The following CACNA1B variants were observed in gnomAD, a reference collection of about 807,000 sequenced individuals.
CACNA1B encodes the protein calcium voltage-gated channel subunit alpha1 B.
A neutral mutation model predicts 247.2 loss-of-function variants in CACNA1B; 70 were observed. The observed-to-expected ratio is 0.28, with a 90% CI of 0.23 to 0.35. The LOEUF is 0.35. Among genes scored for constraint, CACNA1B ranks in the 10% least tolerant of loss-of-function variants. CACNA1B has a pLI of 1.00. For missense variants in CACNA1B, 2,367 were observed against 3,197.4 expected (o/e 0.74, Z 6.26); for synonymous variants, 1,231 against 1,294.4 (o/e 0.95, Z 1.05).
chr9:137,968,974 G>A (rs1958113977), intron 10 of CACNA1B, among the ~76,000 whole-genome samples: 1 of 152,258 alleles, frequency 6.6e-6, no homozygotes, highest in Non-Finnish European at 1.5e-5. Flanking sequence ...AAGAAGCCCA[G>A]TCTCTCTTGG....
intron 3 of CACNA1B, among the ~76,000 whole-genome samples, chr9:137,911,318 C>T (rs1230841850): frequency 6.6e-6 from 1 of 152,104 alleles, no homozygotes; most frequent in Non-Finnish European, 1.5e-5. Flanking sequence ...AATGTCTTCC[C>T]GTAGCATTGG....
Position 137,914,611 on chromosome 9 carries a change from C to T in CACNA1B, c.623-43C>T, listed in dbSNP as rs372170340. The T allele has an allele frequency of 2.0e-5, 32 of 1,584,764 alleles. No homozygotes were observed. In the African/African-American group the frequency reaches 3.5e-4, roughly 17 times the overall value. On this transcript the variant is annotated intron_variant, in intron 4 of 46. Coordinates refer to ENST00000371372, the MANE Select transcript of CACNA1B (RefSeq NM_000718.4). This position sits in a 1 kb window ranked among gnomAD's most constrained non-coding sequence, Gnocchi z 4.3. ...TGCCCCCACCAAATTCCTTGCCCTA[C>T]CCTGCCCACGTTGCTTCCTGACCTG...
intron 10 of CACNA1B, among the ~76,000 whole-genome samples, chr9:137,969,419 TG>T (rs1267988002): frequency 6.7e-6 from 1 of 149,014 alleles, no homozygotes; most frequent in Non-Finnish European, 1.5e-5. Context: ...TGTGTGTGTG[TG>T]GGGGGCTGTG....
intron 10 of CACNA1B, among the ~76,000 whole-genome samples, chr9:137,960,652 G>C (rs1423601979): frequency 1.3e-5 from 2 of 152,008 alleles, no homozygotes; most frequent in Non-Finnish European, 2.9e-5. Context: ...CAGGTGTGGA[G>C]AACGTCTTGG....
chr9:138,058,507 A>G lies in CACNA1B; in HGVS notation c.4309-62A>G. The G allele has an allele frequency of 1.4e-6, 2 of 1,454,494 alleles. No individual in the cohort carries two copies. The highest frequency in any genetic ancestry group is 1.9e-6 in the Non-Finnish European group (2 of 1,061,994). The allele number at this position is 1,454,494 out of a possible 1,614,324, so 90.1% of individuals were successfully genotyped here. Reference sequence around the variant, plus strand: ...GGCCTGGCGAGACAGGGCTGGGTGCAGTAGATGCCGTCGGGTAGGTTTTCT... The same window carrying G: ...GGCCTGGCGAGACAGGGCTGGGTGCGGTAGATGCCGTCGGGTAGGTTTTCT... On this transcript the variant is annotated intron_variant, in intron 28 of 46. Coordinates refer to ENST00000371372, the MANE Select transcript of CACNA1B (RefSeq NM_000718.4). This position sits in a 1 kb window ranked among gnomAD's most constrained non-coding sequence, Gnocchi z 4.7.
rs539458969 is a variant in CACNA1B, at chr9:137,917,623, C to T, written c.966+192C>T. Reference sequence around the variant, plus strand: ...CCACCCAAGGGTCCACCACAGGCAGCCTCAGCTCAGACTCCTGAGGTGGGT... The same window carrying T: ...CCACCCAAGGGTCCACCACAGGCAGTCTCAGCTCAGACTCCTGAGGTGGGT... On this transcript the variant is annotated intron_variant, in intron 6 of 46. Coordinates refer to ENST00000371372, the MANE Select transcript of CACNA1B (RefSeq NM_000718.4). The surrounding 1 kb of genome is among the most constrained non-coding windows in gnomAD (Gnocchi z 5.5). Among the ~76,000 whole-genome samples the T allele has an allele frequency of 3.3e-5, 5 of 152,332 alleles. No homozygotes were observed. Among genetic ancestry groups the T allele is most frequent in the African/African-American group, 1.2e-4 (5 of 41,578 alleles).
intron 20 of CACNA1B, among the ~76,000 whole-genome samples, chr9:138,043,412 G>T (rs1589089328): frequency 1.3e-5 from 2 of 152,290 alleles, no homozygotes; most frequent in East Asian, 1.9e-4. Flanking sequence ...TGTGCTGCGG[G>T]TTCGAGGTCC....
intron 1 of CACNA1B, among the ~76,000 whole-genome samples, chr9:137,878,716 C>T (rs2133213242): frequency 6.6e-6 from 1 of 152,262 alleles, no homozygotes; most frequent in African/African-American, 2.4e-5. Flanking sequence ...GCGGGGTCTC[C>T]CTCCAGCCTC....
chr9:138,053,739 C>G, intron 25 of CACNA1B, 107 bp from the exon 26 acceptor site: 1 of 854,688 alleles, frequency 1.2e-6, no homozygotes, highest in Middle Eastern at 2.8e-4. Context: ...GCTTCACCCC[C>G]TCATCGTGGC....
At chr9:138,024,133 A>G (rs1376445615) in intron 19 of CACNA1B, among the ~76,000 whole-genome samples, 3 of 152,226 alleles carry the variant, frequency 2.0e-5, no homozygotes, top group Non-Finnish European at 4.4e-5. Context: ...TGGCTTGGAA[A>G]GAACAAAGTG....
At chr9:137,980,279 A>C (rs1441055884) in intron 12 of CACNA1B, among the ~76,000 whole-genome samples, 1 of 152,080 alleles carries the variant, frequency 6.6e-6, no homozygotes, top group Non-Finnish European at 1.5e-5. Flanking sequence ...TAGGCCTTAG[A>C]CCTTTTCTGT....
At chr9:138,112,631 C>T (rs2131363251) in intron 40 of CACNA1B, 126 bp downstream of exon 40, 2 of 661,534 alleles carry the variant, frequency 3.0e-6, no homozygotes, top group Middle Eastern at 3.8e-4. Flanking sequence ...GGGCTCACCT[C>T]CTCATGAATC....
At chr9:138,092,685 A>T (rs540791260) in intron 36 of CACNA1B, among the ~76,000 whole-genome samples, 2 of 152,212 alleles carry the variant, frequency 1.3e-5, no homozygotes, top group Non-Finnish European at 2.9e-5. Context: ...TTATAAGAGT[A>T]TTGATTGGGG....
rs1958872578 is a variant in CACNA1B at position 138,023,268 on chromosome 9, C to T, written c.2525C>T (p.Pro842Leu). The T allele has an allele frequency of 1.3e-6, 2 of 1,515,476 alleles. No individual in the cohort carries two copies. The highest frequency in any genetic ancestry group is 1.4e-5 in the African/African-American group (1 of 69,546). The allele number at this position is 1,515,476 out of a possible 1,614,324, so 93.9% of individuals were successfully genotyped here. ...GKARPEAAEA[P>L]EGVDPPRRHH... ...GCCCGACCTGAGGCTGCGGAGGCCC[C>T]CGAGGGCGTCGACCCTCCGCGCAGG... is the stretch of plus-strand genomic sequence containing the variant. The change falls in exon 19 of 47, where the codon CCC becomes CTC. Residue 842 changes from proline (P) to leucine (L), a missense_variant. By Grantham distance (98) the Pro-to-Leu change is moderately conservative. This residue lies in a region of CACNA1B where 631 missense variants were observed against 631.1 expected (regional missense o/e 1.00). Transcript: ENST00000371372.
chr9:137,913,447 C>T lies in CACNA1B; in HGVS notation c.622+176C>T, dbSNP rs1259532611. 6.6e-6 allele frequency among the ~76,000 whole-genome samples: 1 copy of T among 152,164 alleles called. No individual in the cohort carries two copies. The highest frequency in any genetic ancestry group is 1.5e-5 in the Non-Finnish European group (1 of 68,030). ...AGCAGGCCTTTTTTGGCCTGTCACA[C>T]CCTCCATGAAAGCCCACAGGGTGAT... On this transcript the variant is annotated intron_variant, in intron 4 of 46. Coordinates refer to ENST00000371372, the MANE Select transcript of CACNA1B (RefSeq NM_000718.4). This position sits in a 1 kb window ranked among gnomAD's most constrained non-coding sequence, Gnocchi z 5.2.
intron 21 of CACNA1B, 50 bp downstream of exon 21, chr9:138,043,950 T>C: frequency 6.3e-7 from 1 of 1,595,332 alleles, no homozygotes; most frequent in Non-Finnish European, 8.6e-7. Context: ...CACCCATGCA[T>C]CATGACCCGT....
intron 18 of CACNA1B, chr9:138,017,020 T>C (rs191752042): frequency 9.6e-4 from 433 of 452,434 alleles, no homozygotes; most frequent in African/African-American, 7.2e-3. Context: ...TGCGGCCTCC[T>C]GTCCAGATGC....
intron 6 of CACNA1B, among the ~76,000 whole-genome samples, chr9:137,945,261 G>A (rs1256747092): frequency 6.6e-6 from 1 of 152,232 alleles, no homozygotes; most frequent in Non-Finnish European, 1.5e-5. Context: ...CAGGGAATCA[G>A]AGGGAATGGA....
Position 137,956,804 on chromosome 9 carries a change from C to T in CACNA1B, c.1220C>T (p.Ala407Val). 6.2e-7 allele frequency: 1 copy of T among 1,613,756 alleles called. No homozygotes were observed. Among genetic ancestry groups the T allele is most frequent in the Non-Finnish European group, 8.5e-7 (1 of 1,179,710 alleles). The change falls in exon 9 of 47, where the codon GCA (alanine) becomes GTA (valine). Residue 407 changes from alanine (A) to valine (V), a missense_variant. By Grantham distance (64) the Ala-to-Val change is moderately conservative (BLOSUM62 0). Around this residue, in one of 12 missense-constraint regions of CACNA1B, gnomAD observed 219 missense variants for 297.6 expected, o/e 0.74. Transcript: ENST00000371372. ...EVMLAEEDRN[A>V]EEKSPLDVLK... ...ATGCTGGCCGAGGAGGACAGGAATG[C>T]AGAGGAGAAGTCCCCTTTGGACGGT...
Sources: allele counts gnomAD v4.1 joint callset (sites outside exome capture counted in the v4.1 genomes callset), GRCh38; gene constraint gnomAD v4.1.1; regional missense constraint gnomAD v4.1.1; non-coding constraint Gnocchi (gnomAD v3.1); transcripts MANE v1.5; gene names NCBI Gene and HGNC (gene_info 2026-07-23, HGNC 2026-07-21).